The following MROH9 variants were observed in gnomAD, a reference collection of about 807,000 sequenced individuals.
MROH9 encodes maestro heat like repeat family member 9.
Under a neutral mutation model 98.2 loss-of-function variants are expected in MROH9, and 92 were observed. The observed-to-expected ratio is 0.94, with a 90% confidence interval of 0.79 to 1.11. MROH9 has a LOEUF of 1.11. MROH9 is among the 50% of genes most tolerant of loss of function. The pLI, the probability that MROH9 is intolerant of heterozygous loss-of-function variation, is 0.00. For synonymous variants in MROH9, 397 were observed against 368.9 expected, an observed-to-expected ratio of 1.08 and a Z score of -0.87; for missense variants, 1,057 against 1,014.8, an observed-to-expected ratio of 1.04 and a Z score of -0.57.
rs139670129 is a variant in MROH9, at chr1:171,016,122, G to T, written c.1735-41G>T. 5.8e-4 allele frequency: 769 copies of T among 1,334,742 alleles called. 3 individuals are homozygous for T. In the African/African-American group the frequency reaches 0.01, roughly 18 times the overall value. 82.7% of individuals were successfully genotyped at this position (1,334,742 alleles called of 1,614,324 possible). On this transcript the variant is annotated intron_variant, in intron 16 of 21. Coordinates refer to ENST00000367759, the MANE Select transcript of MROH9 (RefSeq NM_001163629.2). Reference sequence around the variant, plus strand: ...ATATAAATGTCAGCTCAAGTCTCCTGCTAGTTCCTAAATCCCACCATTTTT... The same window carrying T: ...ATATAAATGTCAGCTCAAGTCTCCTTCTAGTTCCTAAATCCCACCATTTTT...
chr1:171,030,002 C>A (rs1004030724), intron 20 of MROH9, among the ~76,000 whole-genome samples: 28 of 152,244 alleles, frequency 1.8e-4, no homozygotes, highest in African/African-American at 6.5e-4. Context: ...AGGGATTCAA[C>A]TTCTTTCTTG....
intron 1 of MROH9, among the ~76,000 whole-genome samples, chr1:170,944,783 C>T (rs74123649): frequency 0.019 from 2,882 of 152,004 alleles, 85 homozygotes; most frequent in African/African-American, 0.065. Flanking sequence ...TTTAAGACGG[C>T]CCCCAATATT....
At chr1:171,031,664 T>C (rs1476778615) in intron 20 of MROH9, among the ~76,000 whole-genome samples, 1 of 152,206 alleles carries the variant, frequency 6.6e-6, no homozygotes, top group Non-Finnish European at 1.5e-5. Context: ...TCTTATGGGC[T>C]TCTCTTTGTA....
intron 12 of MROH9, among the ~76,000 whole-genome samples, chr1:170,993,185 G>T (rs1651422758): frequency 6.6e-6 from 1 of 152,132 alleles, no homozygotes; most frequent in African/African-American, 2.4e-5. Flanking sequence ...GGAATTAGGT[G>T]CAATCAAGGC....
At chr1:170,958,584 A>G in intron 4 of MROH9, 44 bp downstream of exon 4, 1 of 1,262,954 alleles carries the variant, frequency 7.9e-7, no homozygotes, top group Non-Finnish European at 1.1e-6. Flanking sequence ...AATTGGATGC[A>G]TTTAAAATGT....
chr1:170,972,409 G>T (rs1650495127), intron 8 of MROH9, among the ~76,000 whole-genome samples: 2 of 152,100 alleles, frequency 1.3e-5, no homozygotes, highest in Non-Finnish European at 2.9e-5. Flanking sequence ...ATTTGTAAGG[G>T]GTGGAGCCTC....
chr1:171,023,744 T>G (rs1329006323), intron 17 of MROH9, among the ~76,000 whole-genome samples: 1 of 152,162 alleles, frequency 6.6e-6, no homozygotes, highest in Non-Finnish European at 1.5e-5. Flanking sequence ...CATATCTTTT[T>G]TGTGTGTGTG....
chr1:170,960,248 T>A (rs896459964), intron 5 of MROH9, among the ~76,000 whole-genome samples: 4 of 152,222 alleles, frequency 2.6e-5, no homozygotes, highest in Non-Finnish European at 5.9e-5. Context: ...GCTATTTTTT[T>A]ACAAATGTGC....
At chr1:171,048,623 C>G (rs1312589306) in intron 20 of MROH9, among the ~76,000 whole-genome samples, 1 of 152,128 alleles carries the variant, frequency 6.6e-6, no homozygotes, top group Admixed American at 6.5e-5. Context: ...CCCAAGAGCC[C>G]ACTTGATGCT....
intron 20 of MROH9, among the ~76,000 whole-genome samples, chr1:171,033,280 G>A (rs1337994651): frequency 6.6e-6 from 1 of 152,280 alleles, no homozygotes; most frequent in East Asian, 1.9e-4. Flanking sequence ...GGCAGCGGCA[G>A]CTGGCGCTGG....
chr1:171,038,409 T>C (rs1047222766), intron 20 of MROH9, among the ~76,000 whole-genome samples: 1 of 152,182 alleles, frequency 6.6e-6, no homozygotes, highest in African/African-American at 2.4e-5. Flanking sequence ...GGTGAGACCA[T>C]AAATCATTAC....
chr1:170,954,380 T>C (rs747138317), intron 3 of MROH9, among the ~76,000 whole-genome samples: 1 of 152,108 alleles, frequency 6.6e-6, no homozygotes, highest in Non-Finnish European at 1.5e-5. Context: ...TGATTTTATA[T>C]TTTCTGTATC....
At chr1:170,961,607 G>A (rs1650016329) in intron 5 of MROH9, among the ~76,000 whole-genome samples, 1 of 152,030 alleles carries the variant, frequency 6.6e-6, no homozygotes, top group Non-Finnish European at 1.5e-5. Context: ...AAATATTATA[G>A]AAAGTCACTA....
At chr1:170,982,661 G>A (rs528768295) in intron 8 of MROH9, among the ~76,000 whole-genome samples, 134 of 152,220 alleles carry the variant, frequency 8.8e-4, no homozygotes, top group Non-Finnish European at 1.6e-3. Flanking sequence ...AGGCCTGGGC[G>A]GGCAGATTAC....
At chr1:171,044,108 C>CAT (rs1224421602) in intron 20 of MROH9, among the ~76,000 whole-genome samples, 1 of 152,056 alleles carries the variant, frequency 6.6e-6, no homozygotes, top group Non-Finnish European at 1.5e-5. Flanking sequence ...GTGGGTCTGT[C>CAT]ATATATGGTT....
At chr1:170,994,354 T>G (rs1651474869) in intron 12 of MROH9, among the ~76,000 whole-genome samples, 1 of 152,212 alleles carries the variant, frequency 6.6e-6, no homozygotes, top group African/African-American at 2.4e-5. Flanking sequence ...CTAAGTGTTT[T>G]ATGTTTGGAA....
intron 8 of MROH9, among the ~76,000 whole-genome samples, chr1:170,972,823 A>ATAC: frequency 3.0e-5 from 2 of 67,234 alleles, no homozygotes; most frequent in East Asian, 9.9e-4. Flanking sequence ...AAAAAAAAAA[A>ATAC]AAAAATACAC....
At chr1:170,982,489 G>A (rs950587704) in intron 8 of MROH9, among the ~76,000 whole-genome samples, 4 of 152,128 alleles carry the variant, frequency 2.6e-5, no homozygotes, top group Admixed American at 6.6e-5. Context: ...GTTACAAAAG[G>A]GCATGAGGAA....
chr1:170,954,555 AT>A (rs770672908), intron 3 of MROH9, among the ~76,000 whole-genome samples: 11 of 151,914 alleles, frequency 7.2e-5, no homozygotes, highest in Non-Finnish European at 1.0e-4. Flanking sequence ...TCCATTTTTA[AT>A]TTTTTAGAAA....
Sources: allele counts gnomAD v4.1 joint callset (sites outside exome capture counted in the v4.1 genomes callset), GRCh38; gene constraint gnomAD v4.1.1; transcripts MANE v1.5; gene names NCBI Gene and HGNC (gene_info 2026-07-23, HGNC 2026-07-21).